Variants in MYT1L observed in about 807,000 individuals in gnomAD.
The protein encoded by MYT1L is myelin transcription factor 1-like protein.
MYT1L carries 12 observed loss-of-function variants against 126.7 expected under a neutral mutation model. The observed-to-expected ratio is 0.09, with a 90% confidence interval of 0.06 to 0.15. The LOEUF (loss-of-function observed/expected upper bound fraction) is 0.15, where lower values mean the gene tolerates loss of function less well. Ranked by LOEUF, MYT1L falls within the 10% of genes least tolerant of loss-of-function variation. MYT1L has a pLI of 1.00. For synonymous variants in MYT1L, 541 were observed against 604.2 expected, an observed-to-expected ratio of 0.90 and a Z score of 1.53; for missense variants, 979 against 1,585.2, an observed-to-expected ratio of 0.62 and a Z score of 6.49.
At chr2:2,013,529 C>T (rs1558739270) in intron 4 of MYT1L, among the ~76,000 whole-genome samples, 2 of 152,228 alleles carry the variant, frequency 1.3e-5, no homozygotes, top group Admixed American at 1.3e-4. Context: ...TCATGGTCAC[C>T]GTGAGGGCAC....
At chr2:2,321,513 T>A (rs937656972) in intron 1 of MYT1L, among the ~76,000 whole-genome samples, 4 of 152,148 alleles carry the variant, frequency 2.6e-5, no homozygotes, top group African/African-American at 9.7e-5. Context: ...CCCTTAAGAA[T>A]GGTTTATTGC....
chr2:2,236,494 GAACCCAACCCAGCACATCCC>G (rs2094310268), intron 2 of MYT1L, among the ~76,000 whole-genome samples: 1 of 43,174 alleles, frequency 2.3e-5, no homozygotes, highest in Non-Finnish European at 4.5e-5. Flanking sequence ...CAGCACATCC[GAACCCAACCCAGCACATCCC>G]AACCCAACCC....
chr2:1,837,850 G>C (rs2041113642), intron 21 of MYT1L, among the ~76,000 whole-genome samples: 1 of 151,914 alleles, frequency 6.6e-6, no homozygotes, highest in African/African-American at 2.4e-5. Context: ...CCTTTGAGAA[G>C]GGATTAGGTC....
intron 3 of MYT1L, among the ~76,000 whole-genome samples, chr2:2,082,033 A>G (rs1017216355): frequency 2.0e-5 from 3 of 152,072 alleles, no homozygotes; most frequent in Admixed American, 2.0e-4. Flanking sequence ...GAGCCACCAC[A>G]CCCAGCAACC....
At chr2:1,841,059 A>C in intron 19 of MYT1L, 2 of 452,962 alleles carry the variant, frequency 4.4e-6, no homozygotes, top group Non-Finnish European at 7.9e-6. Context: ...GGCCACCACC[A>C]CGCCTGGCTA....
Position 2,236,757 on chromosome 2 carries a change from T to TTTCTTCTTCTTCTTCTTCTTCTTC in MYT1L, c.-421+47623_-421+47646dup, listed in dbSNP as rs760901038. On this transcript the variant is annotated intron_variant, in intron 2 of 24. Transcript: ENST00000647738. Reference sequence around the variant, plus strand: ...ACTGGTGAAGACTCATTGGTTGTCCTTTCTTCTTCTTCTTCTTCTTCTTCT... The same window carrying TTTCTTCTTCTTCTTCTTCTTCTTC: ...ACTGGTGAAGACTCATTGGTTGTCCTTTCTTCTTCTTCTTCTTCTTCTTCTTCTTCTTCTTCTTCTTCTTCTTCT... Among the ~76,000 whole-genome samples, 23 of 132,620 alleles carry TTTCTTCTTCTTCTTCTTCTTCTTC rather than the reference T, an allele frequency of 1.7e-4. No homozygotes were observed. The East Asian group carries it at 3.2e-3, about 18-fold the overall frequency. 87.0% of individuals were successfully genotyped at this position (132,620 alleles called of 152,430 possible).
intron 5 of MYT1L, among the ~76,000 whole-genome samples, chr2:1,988,752 C>T (rs572626254): frequency 1.1e-4 from 17 of 152,362 alleles, no homozygotes; most frequent in Middle Eastern, 3.4e-3. Flanking sequence ...TGCTCTCCAA[C>T]TCCTGAGCTC....
intron 22 of MYT1L, among the ~76,000 whole-genome samples, chr2:1,804,924 T>C (rs1341556777): frequency 6.6e-6 from 1 of 152,188 alleles, no homozygotes; most frequent in Non-Finnish European, 1.5e-5. Context: ...AGCATTATCT[T>C]ATTTCCTTCT....
At chr2:2,016,717 A>G (rs562643418) in intron 4 of MYT1L, among the ~76,000 whole-genome samples, 1 of 152,390 alleles carries the variant, frequency 6.6e-6, no homozygotes, top group South Asian at 2.1e-4. Context: ...GCTGGATAAG[A>G]AAAGCAAAAC....
At chr2:2,275,214 G>A (rs1456683324) in intron 2 of MYT1L, among the ~76,000 whole-genome samples, 1 of 150,436 alleles carries the variant, frequency 6.6e-6, no homozygotes, top group Non-Finnish European at 1.5e-5. Context: ...GTGTGTGTGT[G>A]TGTGTGTGTG....
At chr2:2,312,275 G>A (rs577789232) in intron 1 of MYT1L, among the ~76,000 whole-genome samples, 1 of 152,230 alleles carries the variant, frequency 6.6e-6, no homozygotes, top group East Asian at 1.9e-4. Context: ...TAGTGACTGA[G>A]AAACAATTTA....
chr2:2,272,797 T>C (rs543665752), intron 2 of MYT1L, among the ~76,000 whole-genome samples: 1 of 152,312 alleles, frequency 6.6e-6, no homozygotes, highest in South Asian at 2.1e-4. Flanking sequence ...CATTGGCTGC[T>C]CGGAGGAACT....
intron 5 of MYT1L, among the ~76,000 whole-genome samples, chr2:1,990,233 C>G (rs1395615222): frequency 6.6e-6 from 1 of 152,214 alleles, no homozygotes; most frequent in African/African-American, 2.4e-5. Context: ...TGGGAACTCA[C>G]AGTTCTCCCT....
At chr2:2,237,772 C>T (rs767843446) in intron 2 of MYT1L, among the ~76,000 whole-genome samples, 2 of 152,136 alleles carry the variant, frequency 1.3e-5, no homozygotes, top group African/African-American at 2.4e-5. Flanking sequence ...CTCAGGGTCA[C>T]GTGGGCTGCA....
intron 2 of MYT1L, among the ~76,000 whole-genome samples, chr2:2,176,085 GACAGTC>G (rs1226492725): frequency 6.6e-6 from 1 of 152,196 alleles, no homozygotes; most frequent in South Asian, 2.1e-4. Flanking sequence ...GTGCTCATGA[GACAGTC>G]ACTCAGCTTC....
chr2:2,227,669 ACT>A (rs1203842794), intron 2 of MYT1L, among the ~76,000 whole-genome samples: 1 of 151,176 alleles, frequency 6.6e-6, no homozygotes, highest in Non-Finnish European at 1.5e-5. Context: ...TTAGCAAAAA[ACT>A]CTTTCTTTTT....
rs13033306 is a variant in MYT1L at position 2,158,160 on chromosome 2, C to G, written c.-304+14712G>C. 4.9e-5 allele frequency among the ~76,000 whole-genome samples: 7 copies of G among 141,966 alleles called. No homozygotes were observed. The South Asian group carries it at 6.7e-4, about 14-fold the overall frequency. The allele number at this position is 141,966 out of a possible 152,430, so 93.1% of individuals were successfully genotyped here. On this transcript the variant is annotated intron_variant, in intron 3 of 24. Transcript: ENST00000647738. ...AGACAGGAACCATGTGCAGACACAC[C>G]GAGACCACACAGTGTAGCAAGTGGG... is the stretch of plus-strand genomic sequence containing the variant.
rs117696133 is a variant in MYT1L at position 1,821,796 on chromosome 2, C to T, written c.3081-12629G>A. ...GGAGCAGGAGGAGCCGCTGGATTCCCGGAGCCACACGGGACCAAGGCCTTG... is the reference window on the plus strand; with the variant it reads ...GGAGCAGGAGGAGCCGCTGGATTCCTGGAGCCACACGGGACCAAGGCCTTG... On this transcript the variant is annotated intron_variant, in intron 21 of 24. Coordinates refer to ENST00000647738, the MANE Select transcript of MYT1L (RefSeq NM_001303052.2). 6.4e-4 allele frequency among the ~76,000 whole-genome samples: 98 copies of T among 152,314 alleles called. 1 individual carries two copies. In the East Asian group the frequency reaches 0.017, roughly 26 times the overall value.
intron 3 of MYT1L, among the ~76,000 whole-genome samples, chr2:2,106,574 T>C (rs973427383): frequency 1.8e-4 from 27 of 152,064 alleles, no homozygotes; most frequent in African/African-American, 6.3e-4. Context: ...GCTGAGATCA[T>C]GCCACTGCAC....
Sources: gnomAD v4.1 joint callset for allele counts (sites outside exome capture counted in the v4.1 genomes callset) on GRCh38, gnomAD v4.1.1 for gene constraint, MANE v1.5 for transcripts, NCBI Gene and HGNC (gene_info 2026-07-23, HGNC 2026-07-21) for gene names.